Variants in SPAG16 observed in about 807,000 individuals in gnomAD.
The protein encoded by SPAG16 is sperm associated antigen 16.
Under a neutral mutation model 80.4 loss-of-function variants are expected in SPAG16, and 86 were observed. The ratio of observed to expected loss-of-function variants is 1.07; its 90% CI spans 0.90 to 1.28. The LOEUF (loss-of-function observed/expected upper bound fraction) is 1.28. Among genes scored for constraint, SPAG16 ranks in the 50% most tolerant of loss-of-function variants. SPAG16 has a pLI of 0.00. For synonymous variants in SPAG16, 294 were observed against 265.9 expected (o/e 1.11, Z -1.03); for missense variants, 870 against 765.3 (o/e 1.14, Z -1.61).
chr2:214,012,282 A>ATTTTTTTTTTTTTTTT (rs1286363943), intron 12 of SPAG16, among the ~76,000 whole-genome samples: 1 of 50,714 alleles, frequency 2.0e-5, no homozygotes, highest in Non-Finnish European at 3.2e-5. Flanking sequence ...ATATATATAT[A>ATTTTTTTTTTTTTTTT]TATATATTTT....
chr2:214,008,165 C>T (rs960503228), intron 12 of SPAG16, among the ~76,000 whole-genome samples: 1 of 152,060 alleles, frequency 6.6e-6, no homozygotes, highest in Non-Finnish European at 1.5e-5. Context: ...ATTTTGCTCA[C>T]CCAGCTAACA....
chr2:213,759,553 A>G (rs2068535649), intron 10 of SPAG16, among the ~76,000 whole-genome samples: 3 of 152,114 alleles, frequency 2.0e-5, no homozygotes, highest in Admixed American at 1.3e-4. Flanking sequence ...TTATGGTGGT[A>G]CAAATTTAAA....
At chr2:214,022,209 A>C (rs958315967) in intron 13 of SPAG16, among the ~76,000 whole-genome samples, 1 of 152,174 alleles carries the variant, frequency 6.6e-6, no homozygotes, top group Non-Finnish European at 1.5e-5. Flanking sequence ...GGCTTCAGGA[A>C]TGGGCTACAA....
rs553844932 is a variant in SPAG16, at chr2:213,559,356, A to G, written c.1070+69266A>G. Among the ~76,000 whole-genome samples the G allele has an allele frequency of 3.9e-5, 6 of 152,280 alleles. No homozygotes were observed. In the South Asian group the frequency reaches 1.2e-3, roughly 32 times the overall value. ...TGAAGCTTTTCAGCAAAAGAATACAATTATTGTCACGAGCATCAATGCACT... is the reference window on the plus strand; with the variant it reads ...TGAAGCTTTTCAGCAAAAGAATACAGTTATTGTCACGAGCATCAATGCACT... On this transcript the variant is annotated intron_variant, in intron 10 of 15. Coordinates refer to ENST00000331683, the MANE Select transcript of SPAG16 (RefSeq NM_024532.5).
chr2:214,046,457 T>C (rs967600072), intron 13 of SPAG16, among the ~76,000 whole-genome samples: 2 of 152,160 alleles, frequency 1.3e-5, no homozygotes, highest in Non-Finnish European at 2.9e-5. Context: ...CTCAACCAAA[T>C]ATTAGCAAAT....
intron 14 of SPAG16, among the ~76,000 whole-genome samples, chr2:214,144,247 T>C (rs1576339624): frequency 6.6e-6 from 1 of 152,184 alleles, no homozygotes; most frequent in African/African-American, 2.4e-5. Context: ...ATATAACTGT[T>C]ATCTTTGAGG....
At chr2:214,008,320 T>C (rs1559684876) in intron 12 of SPAG16, among the ~76,000 whole-genome samples, 1 of 152,212 alleles carries the variant, frequency 6.6e-6, no homozygotes, top group Non-Finnish European at 1.5e-5. Context: ...AAATCATTTG[T>C]AGTCTTGGTC....
chr2:214,178,217 A>G (rs2057192266), intron 15 of SPAG16, among the ~76,000 whole-genome samples: 2 of 150,546 alleles, frequency 1.3e-5, no homozygotes, highest in African/African-American at 2.4e-5. Context: ...TGACTGAATT[A>G]TCTTTCTTCA....
intron 15 of SPAG16, among the ~76,000 whole-genome samples, chr2:214,383,516 A>G (rs897024693): frequency 2.6e-5 from 4 of 151,034 alleles, no homozygotes; most frequent in Non-Finnish European, 5.9e-5. Context: ...GGTTGCGGTG[A>G]GCCAAGATCG....
At chr2:214,342,216 A>G (rs1000790844) in intron 15 of SPAG16, among the ~76,000 whole-genome samples, 5 of 152,184 alleles carry the variant, frequency 3.3e-5, no homozygotes, top group African/African-American at 4.8e-5. Flanking sequence ...AGCAGGGGTT[A>G]CTAAAGCAGG....
intron 10 of SPAG16, among the ~76,000 whole-genome samples, chr2:213,736,813 T>TCCTGC (rs750496541): frequency 9.9e-5 from 15 of 151,976 alleles, no homozygotes; most frequent in Non-Finnish European, 1.2e-4. Flanking sequence ...CAAGTGATTC[T>TCCTGC]CCTGCCTCAG....
Position 213,744,245 on chromosome 2 carries a change from G to A in SPAG16, c.1071-118240G>A, listed in dbSNP as rs561596342. Among the ~76,000 whole-genome samples the A allele has an allele frequency of 2.3e-3, 343 of 152,160 alleles. 3 individuals carry two copies. Among genetic ancestry groups the A allele is most frequent in the African/African-American group, 7.9e-3 (329 of 41,504 alleles). Reference sequence around the variant, plus strand: ...CTTCCTTGGGTTGTCAATGAAGTAGGTGCACATATTTCTGGGTCGCATGTG... The same window carrying A: ...CTTCCTTGGGTTGTCAATGAAGTAGATGCACATATTTCTGGGTCGCATGTG... On this transcript the variant is annotated intron_variant, in intron 10 of 15. Coordinates refer to ENST00000331683, the MANE Select transcript of SPAG16 (RefSeq NM_024532.5).
At chr2:213,471,840 C>T (rs921092546) in intron 9 of SPAG16, among the ~76,000 whole-genome samples, 1 of 152,208 alleles carries the variant, frequency 6.6e-6, no homozygotes, top group Non-Finnish European at 1.5e-5. Context: ...GCCCACTAGG[C>T]ATTGTGCCTC....
chr2:213,572,755 G>C (rs1249914778), intron 10 of SPAG16, among the ~76,000 whole-genome samples: 1 of 152,096 alleles, frequency 6.6e-6, no homozygotes, highest in African/African-American at 2.4e-5. Context: ...TTGAGCTGTG[G>C]TGGGCTCTAC....
chr2:213,394,145 T>C (rs339814), intron 9 of SPAG16, among the ~76,000 whole-genome samples: 152,216 of 152,232 alleles, frequency 1, 76,100 homozygotes, highest in Middle Eastern at 1. Flanking sequence ...GAAACCCTTT[T>C]TTATCTCAAG....
Position 214,410,414 on chromosome 2 carries a change from G to C in SPAG16, c.*99G>C. 1 of 1,170,920 alleles carries C rather than the reference G, an allele frequency of 8.5e-7. No homozygotes were observed. The highest frequency in any genetic ancestry group is 1.2e-6 in the Non-Finnish European group (1 of 831,590). The allele number at this position is 1,170,920 out of a possible 1,614,324, so 72.5% of individuals were successfully genotyped here. A position where few individuals can be genotyped will look rare whatever the true frequency, so the allele number is the denominator to read the frequency against. On this transcript the variant is annotated 3_prime_UTR_variant, in exon 16 of 16. Coordinates refer to ENST00000331683, the MANE Select transcript of SPAG16 (RefSeq NM_024532.5). ...AAGAACTGGTTAAATGTGCCAGCAG[G>C]TAACATTTACAGTCTGCTTTAAAAC...
intron 5 of SPAG16, among the ~76,000 whole-genome samples, chr2:213,324,680 AT>A (rs2063768155): frequency 6.6e-6 from 1 of 152,130 alleles, no homozygotes; most frequent in Admixed American, 6.5e-5. Context: ...ACAGTTGGTT[AT>A]TAAAGATAAA....
chr2:213,971,149 T>C (rs2045029902), intron 12 of SPAG16, among the ~76,000 whole-genome samples: 1 of 152,180 alleles, frequency 6.6e-6, no homozygotes, highest in Non-Finnish European at 1.5e-5. Context: ...TCAAAACTTA[T>C]GTTTAATACA....
intron 13 of SPAG16, among the ~76,000 whole-genome samples, chr2:214,095,615 C>G (rs1164394087): frequency 1.3e-5 from 2 of 151,852 alleles, no homozygotes; most frequent in Non-Finnish European, 1.5e-5. Context: ...TGTTTTCATC[C>G]TATTTTACCA....
Sources: gnomAD v4.1 joint callset for allele counts (sites outside exome capture counted in the v4.1 genomes callset) on GRCh38, gnomAD v4.1.1 for gene constraint, MANE v1.5 for transcripts, NCBI Gene and HGNC (gene_info 2026-07-23, HGNC 2026-07-21) for gene names.